Variants in KIF1B observed in about 807,000 individuals in gnomAD.
The protein encoded by KIF1B is kinesin family member 1B.
A neutral mutation model predicts 241.9 loss-of-function variants in KIF1B; 76 were observed. The ratio of observed to expected loss-of-function variants is 0.31; its 90% CI spans 0.26 to 0.38. KIF1B has a LOEUF of 0.38. KIF1B is among the 10% of genes least tolerant of loss of function. KIF1B has a pLI of 1.00. For synonymous variants in KIF1B, 750 were observed against 796.7 expected, an observed-to-expected ratio of 0.94 and a Z score of 0.99; for missense variants, 1,622 against 2,271.4, an observed-to-expected ratio of 0.71 and a Z score of 5.81.
At chr1:10,302,782 C>G (rs956935885) in intron 22 of KIF1B, among the ~76,000 whole-genome samples, 2 of 152,140 alleles carry the variant, frequency 1.3e-5, no homozygotes, top group Non-Finnish European at 2.9e-5. Context: ...ACTTCATTTT[C>G]TTCGAATAGT....
chr1:10,348,521 AT>A, intron 36 of KIF1B, 127 bp from the exon 37 acceptor site: 1 of 729,998 alleles, frequency 1.4e-6, no homozygotes, highest in Non-Finnish European at 2.5e-6. Flanking sequence ...TGTGGATAGC[AT>A]TTTCCGTCTT....
intron 4 of KIF1B, 31 bp downstream of exon 4, chr1:10,258,703 C>A: frequency 6.2e-7 from 1 of 1,604,896 alleles, no homozygotes; most frequent in Non-Finnish European, 8.5e-7. Flanking sequence ...AAAATCTTCT[C>A]TTCATTATTA....
Position 10,339,779 on chromosome 1 carries a change from C to T in KIF1B, c.3433C>T (p.Arg1145Cys), listed in dbSNP as rs1394199064. Residue 1145 changes from arginine (R) to cysteine (C), a missense_variant, in exon 32 of 49, where the codon CGC becomes TGC. Around this residue, in one of 7 missense-constraint regions of KIF1B, gnomAD observed 803 missense variants for 1,112.0 expected, o/e 0.72. Transcript: ENST00000676179. ...DIFCQFNFLH[R>C]HDEAFSTEPL... is the part of the protein sequence containing the mutation. Reference sequence around the variant, plus strand: ...ATTTTTTTTATGAAGCTTTTTGCATCGCCATGATGAAGCATTCTCCACGGA... The same window carrying T: ...ATTTTTTTTATGAAGCTTTTTGCATTGCCATGATGAAGCATTCTCCACGGA... The T allele has an allele frequency of 4.3e-6, 7 of 1,613,640 alleles. No homozygotes were observed. In the African/African-American group the frequency reaches 5.3e-5, roughly 12 times the overall value.
intron 23 of KIF1B, among the ~76,000 whole-genome samples, chr1:10,321,145 C>T (rs972044409): frequency 1.2e-4 from 18 of 151,320 alleles, no homozygotes; most frequent in East Asian, 7.7e-4. Flanking sequence ...ACTTTGTCAC[C>T]CAGGCTTTAG....
intron 31 of KIF1B, among the ~76,000 whole-genome samples, chr1:10,339,493 T>A (rs1652308445): frequency 2.6e-5 from 4 of 152,262 alleles, no homozygotes; most frequent in Non-Finnish European, 5.9e-5. Context: ...AGGAGTTAAT[T>A]GAATGTACTT....
At chr1:10,342,195 T>C in intron 33 of KIF1B, 27 bp downstream of exon 33, 1 of 1,359,076 alleles carries the variant, frequency 7.4e-7, no homozygotes, top group Non-Finnish European at 1.1e-6. Context: ...CAAACATTTT[T>C]GATGGTATTG....
In KIF1B at chr1:10,272,307, G is replaced by A; in HGVS notation, c.864+1G>A. 6.3e-7 allele frequency: 1 copy of A among 1,591,854 alleles called. No individual in the cohort carries two copies. Among genetic ancestry groups the A allele is most frequent in the Non-Finnish European group, 8.6e-7 (1 of 1,159,904 alleles). ...AGTCATTTCAGCCTTGGCCGAGGTG[G>A]TAAGTTTTATACTTCATTATAAGGG... On this transcript the variant is annotated splice_donor_variant, in intron 9 of 48. Coordinates refer to ENST00000676179, the MANE Select transcript of KIF1B (RefSeq NM_001365951.3). LOFTEE classifies it high-confidence loss of function.
intron 48 of KIF1B, 115 bp downstream of exon 48, chr1:10,375,488 A>G (rs1236005043): frequency 4.8e-6 from 4 of 827,776 alleles, no homozygotes; most frequent in Non-Finnish European, 8.3e-6. Flanking sequence ...GGTTCAAGCG[A>G]TTCTCCTGAC....
At chr1:10,317,929 T>C (rs1468273428) in intron 22 of KIF1B, among the ~76,000 whole-genome samples, 1 of 151,464 alleles carries the variant, frequency 6.6e-6, no homozygotes, top group Non-Finnish European at 1.5e-5. Context: ...CTTCCTCTAG[T>C]ACTGTGTGGG....
chr1:10,337,268 C>T lies in KIF1B; in HGVS notation c.3259+65C>T, dbSNP rs1569853628. On this transcript the variant is annotated intron_variant, in intron 30 of 48. Transcript: ENST00000676179. This position sits in a 1 kb window ranked among gnomAD's most constrained non-coding sequence, Gnocchi z 4.0. ...ACAAAGGGAAAATATTGACCATTATCAAGGGACATAGTGGCCTTCATCAAC... is the reference window on the plus strand; with the variant it reads ...ACAAAGGGAAAATATTGACCATTATTAAGGGACATAGTGGCCTTCATCAAC... 6.2e-7 allele frequency: 1 copy of T among 1,612,496 alleles called. No individual in the cohort carries two copies. The highest frequency in any genetic ancestry group is 2.2e-5 in the East Asian group (1 of 44,880).
At chr1:10,229,646 G>A (rs1646952629) in intron 1 of KIF1B, among the ~76,000 whole-genome samples, 1 of 149,914 alleles carries the variant, frequency 6.7e-6, no homozygotes, top group African/African-American at 2.5e-5. Flanking sequence ...CACGAGGTCA[G>A]GAGATCGAGA....
intron 10 of KIF1B, 40 bp from the exon 11 acceptor site, chr1:10,275,388 C>T (rs1649045366): frequency 1.7e-6 from 2 of 1,162,968 alleles, no homozygotes; most frequent in African/African-American, 1.5e-5. Context: ...ATTTTTTTCC[C>T]TAACGAAAAA....
At chr1:10,359,309 G>C (rs146801027) in intron 38 of KIF1B, among the ~76,000 whole-genome samples, 2 of 151,596 alleles carry the variant, frequency 1.3e-5, no homozygotes, top group Non-Finnish European at 2.9e-5. Context: ...GACTCTTCTA[G>C]GTGAATCAGG....
At chr1:10,367,185 TC>T (rs1214181890) in intron 43 of KIF1B, among the ~76,000 whole-genome samples, 1 of 151,396 alleles carries the variant, frequency 6.6e-6, no homozygotes, top group Non-Finnish European at 1.5e-5. Flanking sequence ...AACCTCCACT[TC>T]CCAGGTTCAA....
chr1:10,260,893 C>A (rs1648099496), intron 4 of KIF1B, among the ~76,000 whole-genome samples: 2 of 151,298 alleles, frequency 1.3e-5, no homozygotes, highest in South Asian at 4.1e-4. Flanking sequence ...AAACCACACA[C>A]ACACTTTGTA....
intron 22 of KIF1B, chr1:10,306,274 TGG>T: frequency 9.6e-7 from 1 of 1,044,484 alleles, no homozygotes; most frequent in Non-Finnish European, 1.2e-6. Flanking sequence ...ATGTCTGTAA[TGG>T]GTTGAGTTAC....
intron 39 of KIF1B, 75 bp downstream of exon 39, chr1:10,361,118 C>G (rs988870685): frequency 3.2e-6 from 3 of 951,368 alleles, no homozygotes; most frequent in Non-Finnish European, 5.2e-6. Flanking sequence ...AGGAAGTGGT[C>G]AGCGAAGATT....
At chr1:10,336,514 T>G (rs1652185147) in intron 28 of KIF1B, 143 bp from the exon 29 acceptor site, 5 of 739,632 alleles carry the variant, frequency 6.8e-6, no homozygotes, top group Non-Finnish European at 1.2e-5. Context: ...ATGAATAGAG[T>G]GCGAAGCAGC....
intron 27 of KIF1B, among the ~76,000 whole-genome samples, chr1:10,332,197 C>T (rs1269427416): frequency 6.6e-6 from 1 of 151,788 alleles, no homozygotes; most frequent in Non-Finnish European, 1.5e-5. Context: ...CCCCGAGTAG[C>T]TGGGATTATA....
Sources: allele counts gnomAD v4.1 joint callset (sites outside exome capture counted in the v4.1 genomes callset), GRCh38; gene constraint gnomAD v4.1.1; regional missense constraint gnomAD v4.1.1; non-coding constraint Gnocchi (gnomAD v3.1); transcripts MANE v1.5; gene names NCBI Gene and HGNC (gene_info 2026-07-23, HGNC 2026-07-21).